SMYD3: variants seen among roughly 807,000 people sequenced by gnomAD.
The protein encoded by SMYD3 is SET and MYND domain containing 3.
A neutral mutation model predicts 57.7 loss-of-function variants in SMYD3; 36 were observed. The observed-to-expected ratio is 0.62, with a 90% confidence interval of 0.48 to 0.82. The LOEUF is 0.82. Among genes scored for constraint, SMYD3 ranks in the 40% least tolerant of loss-of-function variants. The pLI, the probability that SMYD3 is intolerant of heterozygous loss-of-function variation, is 0.00. For synonymous variants in SMYD3, 211 were observed against 195.0 expected, an observed-to-expected ratio of 1.08 and a Z score of -0.68; for missense variants, 515 against 538.8, an observed-to-expected ratio of 0.96 and a Z score of 0.44.
At chr1:246,106,891 C>T (rs996694564) in intron 5 of SMYD3, among the ~76,000 whole-genome samples, 6 of 152,064 alleles carry the variant, frequency 3.9e-5, no homozygotes, top group East Asian at 1.9e-4. Context: ...TTAAACTCTC[C>T]GAAACACTGT....
At chr1:245,757,132 A>G (rs112281780) in intron 11 of SMYD3, among the ~76,000 whole-genome samples, 8 of 152,160 alleles carry the variant, frequency 5.3e-5, no homozygotes, top group African/African-American at 1.9e-4. Flanking sequence ...ATTAAACAAT[A>G]GCTTCCCATC....
At chr1:246,269,543 C>CTTTTTTTTTTTTTTTTTTTTTTTTTTT (rs570972296) in intron 5 of SMYD3, among the ~76,000 whole-genome samples, 9 of 135,230 alleles carry the variant, frequency 6.7e-5, no homozygotes, top group South Asian at 2.5e-4. Flanking sequence ...CTTTTTTTTT[C>CTTTTTTTTTTTTTTTTTTTTTTTTTTT]TTTTTTTTTT....
At chr1:246,354,650 C>CT (rs11338402) in intron 2 of SMYD3, among the ~76,000 whole-genome samples, 5 of 148,584 alleles carry the variant, frequency 3.4e-5, no homozygotes, top group Non-Finnish European at 7.4e-5. Context: ...TAAACTATAT[C>CT]TTTTTTTTTT....
chr1:246,092,697 G>A (rs1047591322), intron 5 of SMYD3, among the ~76,000 whole-genome samples: 5 of 152,038 alleles, frequency 3.3e-5, no homozygotes, highest in Admixed American at 6.5e-5. Flanking sequence ...GTATTGGCCC[G>A]GCAAAGATGT....
intron 5 of SMYD3, among the ~76,000 whole-genome samples, chr1:246,258,379 C>T (rs962709912): frequency 6.6e-6 from 1 of 152,164 alleles, no homozygotes; most frequent in Admixed American, 6.5e-5. Context: ...TAATACAGAA[C>T]ACCTTTAAGG....
intron 5 of SMYD3, among the ~76,000 whole-genome samples, chr1:245,939,466 T>C (rs922659411): frequency 4.6e-5 from 7 of 151,828 alleles, no homozygotes; most frequent in Non-Finnish European, 1.0e-4. Flanking sequence ...TCTACTAAAA[T>C]ACAAAAAATT....
chr1:245,902,623 TG>T (rs1450376457), intron 8 of SMYD3, among the ~76,000 whole-genome samples: 9 of 152,202 alleles, frequency 5.9e-5, no homozygotes, highest in Non-Finnish European at 8.8e-5. Flanking sequence ...AGTACCTACA[TG>T]TGCCAACAAG....
intron 11 of SMYD3, among the ~76,000 whole-genome samples, chr1:245,751,791 G>A (rs2045391158): frequency 6.6e-6 from 1 of 152,150 alleles, no homozygotes; most frequent in African/African-American, 2.4e-5. Context: ...CTGGCGGTGG[G>A]AATTGACTTC....
chr1:245,972,368 G>A (rs1008752793), intron 5 of SMYD3, among the ~76,000 whole-genome samples: 5 of 152,124 alleles, frequency 3.3e-5, no homozygotes, highest in East Asian at 1.9e-4. Context: ...ATGGTATCAC[G>A]GTGGTGAAAA....
At chr1:245,941,630 C>T (rs926715017) in intron 5 of SMYD3, among the ~76,000 whole-genome samples, 2 of 152,210 alleles carry the variant, frequency 1.3e-5, no homozygotes, top group African/African-American at 4.8e-5. Flanking sequence ...AAGTGATTCT[C>T]CTGCCTCAGC....
intron 5 of SMYD3, among the ~76,000 whole-genome samples, chr1:246,273,055 T>TCC (rs201676086): frequency 2.2e-4 from 33 of 151,786 alleles, no homozygotes; most frequent in African/African-American, 7.5e-4. Context: ...GGGTATTCAA[T>TCC]TTGTTGTCAT....
intron 5 of SMYD3, among the ~76,000 whole-genome samples, chr1:246,244,301 GGCTA>G (rs1406144544): frequency 2.6e-5 from 4 of 151,718 alleles, no homozygotes; most frequent in East Asian, 1.9e-4. Flanking sequence ...GGTATCTTGG[GGCTA>G]GCTATTTGCA....
At chr1:245,966,796 C>T (rs556013359) in intron 5 of SMYD3, among the ~76,000 whole-genome samples, 32 of 152,216 alleles carry the variant, frequency 2.1e-4, no homozygotes, top group Non-Finnish European at 3.4e-4. Context: ...TGAGCAGGCA[C>T]ATTCAAGGCT....
intron 1 of SMYD3, among the ~76,000 whole-genome samples, chr1:246,378,956 G>A (rs1461492817): frequency 7.2e-6 from 1 of 139,068 alleles, no homozygotes; most frequent in Non-Finnish European, 1.5e-5. Context: ...GATCAACCTT[G>A]ACTAAACAAG....
intron 5 of SMYD3, among the ~76,000 whole-genome samples, chr1:246,208,331 A>C (rs962622054): frequency 6.6e-6 from 1 of 152,090 alleles, no homozygotes; most frequent in Non-Finnish European, 1.5e-5. Flanking sequence ...AGCTGATATG[A>C]CTGTAAAATG....
chr1:246,501,682 C>T (rs973423407), intron 1 of SMYD3, among the ~76,000 whole-genome samples: 1 of 152,184 alleles, frequency 6.6e-6, no homozygotes, highest in South Asian at 2.1e-4. Context: ...CCCCTCTCTC[C>T]GTCCATCATG....
At chr1:246,087,500 G>A (rs188244651) in intron 5 of SMYD3, among the ~76,000 whole-genome samples, 13 of 152,180 alleles carry the variant, frequency 8.5e-5, no homozygotes, top group Non-Finnish European at 1.8e-4. Context: ...TAGTCGGAAA[G>A]CAAAGGCAAG....
At position 246,039,532 on chromosome 1, in the gene SMYD3, T is replaced by A. The variant is rs540684260; in HGVS notation, c.532-109595A>T. On this transcript the variant is annotated intron_variant, in intron 5 of 11. Coordinates refer to ENST00000490107, the MANE Select transcript of SMYD3 (RefSeq NM_001167740.2). ...ATGATCTGTAGCAGCCTTCGAAATG[T>A]GGGATTGCTGTATCCCTCAAACTGA... Among the ~76,000 whole-genome samples, 33 of 152,358 alleles carry A rather than the reference T, an allele frequency of 2.2e-4. No individual in the cohort carries two copies. In the East Asian group the frequency reaches 6.2e-3, roughly 28 times the overall value.
chr1:246,412,361 T>C (rs2066990022), intron 1 of SMYD3, among the ~76,000 whole-genome samples: 1 of 152,204 alleles, frequency 6.6e-6, no homozygotes, highest in Admixed American at 6.5e-5. Flanking sequence ...AAAACTGCAT[T>C]GCCTAATTAT....
Sources: gnomAD v4.1 joint callset for allele counts (sites outside exome capture counted in the v4.1 genomes callset) on GRCh38, gnomAD v4.1.1 for gene constraint, MANE v1.5 for transcripts, NCBI Gene and HGNC (gene_info 2026-07-23, HGNC 2026-07-21) for gene names.